The following SNCAIP variants were observed in gnomAD, a reference collection of about 807,000 sequenced individuals.
SNCAIP encodes synphilin-1.
Under a neutral mutation model 86.7 loss-of-function variants are expected in SNCAIP, and 43 were observed. The observed-to-expected ratio is 0.50, with a 90% CI of 0.39 to 0.64. The LOEUF is 0.64. Among genes scored for constraint, SNCAIP ranks in the 30% least tolerant of loss-of-function variants. SNCAIP has a pLI of 0.00. For missense variants in SNCAIP, 981 were observed against 1,103.1 expected (o/e 0.89, Z 1.57); for synonymous variants, 417 against 427.2 (o/e 0.98, Z 0.29).
rs1021297910 is a variant in SNCAIP at position 122,433,903 on chromosome 5, C to T, written c.1296+1821C>T. Among the ~76,000 whole-genome samples the T allele has an allele frequency of 4.6e-5, 7 of 152,334 alleles. No homozygotes were observed. In the East Asian group the frequency reaches 1.3e-3, roughly 29 times the overall value. Reference sequence around the variant, plus strand: ...CTAGTGATATACAGTACAATATTCTCTTGTGATGCTAGGCCGTGGCAGCTG... The same window carrying T: ...CTAGTGATATACAGTACAATATTCTTTTGTGATGCTAGGCCGTGGCAGCTG... On this transcript the variant is annotated intron_variant, in intron 6 of 10. Coordinates refer to ENST00000261368, the MANE Select transcript of SNCAIP (RefSeq NM_005460.4).
chr5:122,390,944 G>T (rs1013569963), intron 1 of SNCAIP, 145 bp from the exon 2 acceptor site: 10 of 605,212 alleles, frequency 1.7e-5, no homozygotes, highest in Admixed American at 2.6e-5. Context: ...CCAGGCTGTG[G>T]ACAGTTGAAG....
At chr5:122,438,634 A>G (rs142181408) in intron 6 of SNCAIP, among the ~76,000 whole-genome samples, 1,988 of 152,300 alleles carry the variant, frequency 0.013, 17 homozygotes, top group Middle Eastern at 0.024. Flanking sequence ...AGGAACTAAA[A>G]TGGTAAAATT....
chr5:122,404,245 G>C (rs942573412), intron 3 of SNCAIP, among the ~76,000 whole-genome samples: 3 of 152,120 alleles, frequency 2.0e-5, no homozygotes, highest in African/African-American at 4.8e-5. Flanking sequence ...CATATGGCAA[G>C]GACCAGCTTG....
intron 1 of SNCAIP, among the ~76,000 whole-genome samples, chr5:122,382,703 A>G (rs1435765194): frequency 1.3e-5 from 2 of 151,754 alleles, no homozygotes; most frequent in South Asian, 2.1e-4. Flanking sequence ...GATGATGGTG[A>G]TGTACAGATG....
intron 7 of SNCAIP, chr5:122,444,082 C>T (rs1041391986): frequency 1.5e-5 from 7 of 457,006 alleles, no homozygotes; most frequent in African/African-American, 1.4e-4. Flanking sequence ...TCATTTCTTT[C>T]CAGTTCTTTT....
intron 6 of SNCAIP, 29 bp from the exon 7 acceptor site, chr5:122,440,600 A>G: frequency 6.2e-7 from 1 of 1,608,752 alleles, no homozygotes; most frequent in South Asian, 1.1e-5. Flanking sequence ...AAGATATTAC[A>G]TGAATTCCAA....
At chr5:122,432,841 A>G (rs1479680990) in intron 6 of SNCAIP, among the ~76,000 whole-genome samples, 1 of 152,146 alleles carries the variant, frequency 6.6e-6, no homozygotes, top group Non-Finnish European at 1.5e-5. Context: ...CAAAATACCA[A>G]TCTCAGTCTT....
chr5:122,377,646 G>C (rs988051449), intron 1 of SNCAIP, among the ~76,000 whole-genome samples: 1 of 150,890 alleles, frequency 6.6e-6, no homozygotes, highest in Non-Finnish European at 1.5e-5. Flanking sequence ...CTACTAACTC[G>C]TCATCTAGCA....
intron 3 of SNCAIP, among the ~76,000 whole-genome samples, chr5:122,418,968 A>G (rs1408869830): frequency 6.6e-6 from 1 of 152,150 alleles, no homozygotes; most frequent in African/African-American, 2.4e-5. Flanking sequence ...TTTAGTGATG[A>G]TGAAGAGGGC....
At chr5:122,378,014 C>A (rs1292596606) in intron 1 of SNCAIP, among the ~76,000 whole-genome samples, 1 of 150,206 alleles carries the variant, frequency 6.7e-6, no homozygotes, top group Non-Finnish European at 1.5e-5. Context: ...GTGCATGTGT[C>A]TTTATAGCAG....
At chr5:122,398,079 A>T (rs1771000694) in intron 2 of SNCAIP, among the ~76,000 whole-genome samples, 1 of 152,110 alleles carries the variant, frequency 6.6e-6, no homozygotes, top group Non-Finnish European at 1.5e-5. Context: ...AAATGCAGAG[A>T]TGAGGAAATA....
intron 1 of SNCAIP, among the ~76,000 whole-genome samples, chr5:122,383,958 G>A (rs1767543726): frequency 6.6e-6 from 1 of 152,196 alleles, no homozygotes; most frequent in African/African-American, 2.4e-5. Context: ...CTGTGGGTAA[G>A]GTGTGTTAGA....
At chr5:122,353,367 T>G (rs1278356239) in intron 1 of SNCAIP, among the ~76,000 whole-genome samples, 1 of 150,920 alleles carries the variant, frequency 6.6e-6, no homozygotes, top group East Asian at 1.9e-4. Context: ...TGTGAAAAAT[T>G]CATCGTTATA....
chr5:122,378,267 G>C (rs1317149546), intron 1 of SNCAIP, among the ~76,000 whole-genome samples: 1 of 144,224 alleles, frequency 6.9e-6, no homozygotes, highest in Non-Finnish European at 1.5e-5. Flanking sequence ...TTGTGGTTTT[G>C]ATTTGCATTT....
At chr5:122,393,125 A>T (rs1000794232) in intron 2 of SNCAIP, among the ~76,000 whole-genome samples, 1 of 152,212 alleles carries the variant, frequency 6.6e-6, no homozygotes, top group Non-Finnish European at 1.5e-5. Flanking sequence ...ATAAACAAAG[A>T]TATCCATCTG....
At chr5:122,378,002 G>A (rs1463178078) in intron 1 of SNCAIP, among the ~76,000 whole-genome samples, 10 of 150,732 alleles carry the variant, frequency 6.6e-5, no homozygotes, top group East Asian at 2.0e-4. Flanking sequence ...ATAAACATAC[G>A]TGTGCATGTG....
At chr5:122,366,154 A>G (rs1243148930) in intron 1 of SNCAIP, among the ~76,000 whole-genome samples, 1 of 152,180 alleles carries the variant, frequency 6.6e-6, no homozygotes, top group Non-Finnish European at 1.5e-5. Context: ...CCACCAAACT[A>G]AGCAAGATAA....
intron 2 of SNCAIP, among the ~76,000 whole-genome samples, chr5:122,393,487 A>G (rs1377027883): frequency 6.6e-6 from 1 of 152,162 alleles, no homozygotes; most frequent in African/African-American, 2.4e-5. Context: ...ACAACACTTT[A>G]CTGCTTCTCC....
At chr5:122,347,589 G>A (rs1758870789) in intron 1 of SNCAIP, among the ~76,000 whole-genome samples, 1 of 151,920 alleles carries the variant, frequency 6.6e-6, no homozygotes, top group Admixed American at 6.6e-5. Context: ...TTCCACCTAT[G>A]AGTAGATACC....
Sources: allele counts gnomAD v4.1 joint callset (sites outside exome capture counted in the v4.1 genomes callset), GRCh38; gene constraint gnomAD v4.1.1; transcripts MANE v1.5; gene names NCBI Gene and HGNC (gene_info 2026-07-23, HGNC 2026-07-21).